Variants in OSBPL9 observed in about 807,000 individuals in gnomAD.
OSBPL9 encodes oxysterol binding protein like 9, also known as oxysterol-binding protein-related protein 9.
A neutral mutation model predicts 106.6 loss-of-function variants in OSBPL9; 40 were observed. That is an observed-to-expected ratio of 0.38 (90% CI 0.29 to 0.49). The LOEUF is 0.49. OSBPL9 is among the 20% of genes least tolerant of loss of function. OSBPL9 has a pLI of 0.97. For synonymous variants in OSBPL9, 269 were observed against 295.4 expected (o/e 0.91, Z 0.92); for missense variants, 609 against 887.2 (o/e 0.69, Z 3.98).
Position 51,577,225 on chromosome 1 carries a change from A to C in OSBPL9, c.-454A>C, listed in dbSNP as rs1645190526. The stretch of plus-strand genomic sequence containing the variant: ...CCTCCCTAGAAGCTGAGCAGATGGC[A>C]GAACCATGCTTCCTGTAAATCCTGC... On this transcript the variant is annotated 5_prime_UTR_variant, in exon 1 of 26. Transcript: ENST00000371714. The C allele has an allele frequency of 2.6e-5, 4 of 152,196 alleles. 1 individual carries two copies. In the South Asian group the frequency reaches 8.3e-4, roughly 32 times the overall value. The allele number at this position is 152,196 out of a possible 1,614,324, so 9.4% of individuals were successfully genotyped here.
At chr1:51,601,323 A>C (rs987891068) in intron 2 of OSBPL9, among the ~76,000 whole-genome samples, 2 of 152,204 alleles carry the variant, frequency 1.3e-5, no homozygotes, top group Non-Finnish European at 2.9e-5. Flanking sequence ...ACTTCCACTT[A>C]AGGGTTGAAA....
intron 3 of OSBPL9, among the ~76,000 whole-genome samples, chr1:51,691,077 A>G (rs1000706743): frequency 6.6e-6 from 1 of 152,204 alleles, no homozygotes. Flanking sequence ...TGTATAGGGC[A>G]CTTACCATGA....
chr1:51,787,776 C>T lies in OSBPL9; in HGVS notation c.2198C>T (p.Ala733Val), dbSNP rs762421256. Residue 733 changes from alanine to valine, a missense_variant, in exon 24 of 24, where the codon GCT becomes GTT. Ala to Val is a moderately conservative substitution (Grantham distance 64). Transcript: ENST00000428468. ...YDEPLLKRLG[A>V]AKH is the part of the protein sequence containing the mutation. ...GAACCATTACTGAAACGTCTTGGTG[C>T]TGCCAAGCATTAGGTTGGAAGATGC... 1 of 1,612,718 alleles carries T rather than the reference C, an allele frequency of 6.2e-7. No homozygotes were observed. Among genetic ancestry groups the T allele is most frequent in the South Asian group, 1.1e-5 (1 of 91,034 alleles).
At chr1:51,776,974 C>T (rs1675227043) in intron 15 of OSBPL9, 56 bp downstream of exon 15, 2 of 1,356,464 alleles carry the variant, frequency 1.5e-6, no homozygotes, top group African/African-American at 2.9e-5. Flanking sequence ...CAGCAGCTTT[C>T]TGCCTTTTAT....
chr1:51,786,467 T>C (rs757092120), intron 21 of OSBPL9, 59 bp from the exon 22 acceptor site: 1 of 1,154,492 alleles, frequency 8.7e-7, no homozygotes, highest in East Asian at 2.5e-5. Flanking sequence ...CTACAATGCA[T>C]CTAACATTAG....
intron 2 of OSBPL9, among the ~76,000 whole-genome samples, chr1:51,657,105 T>C (rs1483195741): frequency 6.6e-6 from 1 of 152,224 alleles, no homozygotes; most frequent in Non-Finnish European, 1.5e-5. Context: ...TGGCACATAA[T>C]AAATACTCAA....
chr1:51,572,510 C>T (rs1570520904), upstream of OSBPL9, among the ~76,000 whole-genome samples: 1 of 152,250 alleles, frequency 6.6e-6, no homozygotes, highest in African/African-American at 2.4e-5. Context: ...GGAAGAAGAA[C>T]ATTTGGATGT....
chr1:51,564,585 T>C, the OSBPL9 span, among the ~76,000 whole-genome samples: 6 of 152,190 alleles, frequency 3.9e-5, no homozygotes, highest in Non-Finnish European at 5.9e-5. Context: ...GCCTGGCAGT[T>C]TGCTTTGGTT....
chr1:51,774,791 T>C (rs1423015864), intron 14 of OSBPL9, among the ~76,000 whole-genome samples: 1 of 152,216 alleles, frequency 6.6e-6, no homozygotes, highest in East Asian at 1.9e-4. Context: ...CTTAATAGCA[T>C]GTATCAGTAT....
the OSBPL9 span, among the ~76,000 whole-genome samples, chr1:51,530,076 C>T: frequency 6.9e-6 from 1 of 144,310 alleles, no homozygotes; most frequent in African/African-American, 2.6e-5. Context: ...GAGGCTGAGG[C>T]AGGAGAATGG....
At chr1:51,689,228 G>C (rs1571092932) in intron 3 of OSBPL9, among the ~76,000 whole-genome samples, 1 of 152,170 alleles carries the variant, frequency 6.6e-6, no homozygotes. Flanking sequence ...CTGTTACTCT[G>C]TTAGGCCACA....
At chr1:51,552,653 C>T in the OSBPL9 span, among the ~76,000 whole-genome samples, 2 of 151,946 alleles carry the variant, frequency 1.3e-5, no homozygotes, top group African/African-American at 4.8e-5. Flanking sequence ...TAGACGGTGG[C>T]TCATGCTGTT....
At chr1:51,778,675 AATTC>A (rs1462310585) in intron 15 of OSBPL9, among the ~76,000 whole-genome samples, 1 of 152,126 alleles carries the variant, frequency 6.6e-6, no homozygotes, top group Non-Finnish European at 1.5e-5. Flanking sequence ...CAAGTCCACA[AATTC>A]ATCCGTCAGG....
At chr1:51,750,231 GGA>G in intron 8 of OSBPL9, 36 bp downstream of exon 8, 1 of 1,511,862 alleles carries the variant, frequency 6.6e-7, no homozygotes, top group Non-Finnish European at 9.0e-7. Flanking sequence ...CTTTGTGTAT[GGA>G]GTTCAAAAAT....
chr1:51,606,502 G>A (rs540529666), intron 2 of OSBPL9, among the ~76,000 whole-genome samples: 3 of 152,322 alleles, frequency 2.0e-5, no homozygotes, highest in Admixed American at 6.5e-5. Context: ...ATGAGGAAGA[G>A]GGCATGAGAA....
chr1:51,550,620 C>T, the OSBPL9 span, among the ~76,000 whole-genome samples: 2 of 152,158 alleles, frequency 1.3e-5, no homozygotes, highest in Non-Finnish European at 2.9e-5. Context: ...TCAAGCAATG[C>T]TCCTGCCTCA....
At chr1:51,657,082 T>A (rs1461423257) in intron 2 of OSBPL9, among the ~76,000 whole-genome samples, 1 of 152,360 alleles carries the variant, frequency 6.6e-6, no homozygotes, top group East Asian at 1.9e-4. Context: ...TCCTATTCAG[T>A]GTCACAGTTG....
chr1:51,675,977 G>T (rs1651093122), intron 3 of OSBPL9, among the ~76,000 whole-genome samples: 1 of 152,098 alleles, frequency 6.6e-6, no homozygotes, highest in African/African-American at 2.4e-5. Context: ...AGTAGGTACT[G>T]TTATACTATT....
chr1:51,525,871 T>G, the OSBPL9 span, among the ~76,000 whole-genome samples: 1,280 of 151,620 alleles, frequency 8.4e-3, 20 homozygotes, highest in African/African-American at 0.028. Flanking sequence ...TGCCTCAGCC[T>G]GAATGATTTT....
Sources: allele counts gnomAD v4.1 joint callset (sites outside exome capture counted in the v4.1 genomes callset), GRCh38; gene constraint gnomAD v4.1.1; transcripts MANE v1.5; gene names NCBI Gene and HGNC (gene_info 2026-07-23, HGNC 2026-07-21).